The following SDK1 variants were observed in gnomAD, a reference collection of about 807,000 sequenced individuals.
SDK1 encodes the protein sidekick cell adhesion molecule 1, also known as protein sidekick-1.
A neutral mutation model predicts 245.5 loss-of-function variants in SDK1; 157 were observed. The observed-to-expected ratio is 0.64, with a 90% CI of 0.56 to 0.73. The LOEUF (loss-of-function observed/expected upper bound fraction) is 0.73, where lower values mean the gene tolerates loss of function less well. Ranked by LOEUF, SDK1 falls within the 30% of genes least tolerant of loss-of-function variation. The probability of loss-of-function intolerance (pLI) is 0.00; values close to 1 mark genes in which losing one functional copy is unlikely to be tolerated. For synonymous variants in SDK1, 1,647 were observed against 1,278.5 expected (o/e 1.29, Z -6.15); for missense variants, 3,583 against 3,002.3 (o/e 1.19, Z -4.52).
intron 4 of SDK1, among the ~76,000 whole-genome samples, chr7:3,778,195 G>C (rs1211716584): frequency 6.6e-6 from 1 of 151,858 alleles, no homozygotes; most frequent in Non-Finnish European, 1.5e-5. Context: ...GCAAATGTTT[G>C]TTTTCCTTAT....
intron 4 of SDK1, among the ~76,000 whole-genome samples, chr7:3,695,640 A>C (rs970312761): frequency 2.6e-5 from 4 of 152,250 alleles, no homozygotes; most frequent in Non-Finnish European, 5.9e-5. Flanking sequence ...ACTATAAAAC[A>C]TGGAGAATTA....
At chr7:3,656,910 G>T (rs890058860) in intron 4 of SDK1, among the ~76,000 whole-genome samples, 2 of 152,008 alleles carry the variant, frequency 1.3e-5, no homozygotes, top group African/African-American at 4.8e-5. Flanking sequence ...ACCGCGCCCG[G>T]CTAATTTTTT....
rs560755388 is a variant in SDK1, at chr7:3,969,331, G to A, written c.1621G>A (p.Ala541Thr). 51 of 1,611,074 alleles carry A rather than the reference G, an allele frequency of 3.2e-5. 1 individual carries two copies. Among genetic ancestry groups the A allele is most frequent in the South Asian group, 2.9e-4 (26 of 90,044 alleles). Residue 541 changes from alanine to threonine, a missense_variant, in exon 11 of 45, where the codon GCG becomes ACG. Transcript: ENST00000404826. ...TCTTGAATCGGGGGGTCTACAGATC[G>A]CGCCCGTCTTCATCCAGGATGCCGG... ...MLLESGGLQIAPVFIQDAGNY... is the reference protein window; with the variant it reads ...MLLESGGLQITPVFIQDAGNY...
At chr7:3,745,761 A>G (rs1779597626) in intron 4 of SDK1, among the ~76,000 whole-genome samples, 1 of 152,218 alleles carries the variant, frequency 6.6e-6, no homozygotes, top group Non-Finnish European at 1.5e-5. Flanking sequence ...AGCCAAGATA[A>G]GTAGTAGTAA....
chr7:3,444,556 T>C (rs1780291211), intron 1 of SDK1, among the ~76,000 whole-genome samples: 1 of 152,214 alleles, frequency 6.6e-6, no homozygotes, highest in Admixed American at 6.5e-5. Context: ...TTCAAAATTC[T>C]GTTTAAAATG....
chr7:3,681,234 G>A (rs569046755), intron 4 of SDK1, among the ~76,000 whole-genome samples: 2 of 152,300 alleles, frequency 1.3e-5, no homozygotes, highest in East Asian at 1.9e-4. Flanking sequence ...AAATCTGACT[G>A]TGTGAATCCT....
chr7:3,674,068 G>C (rs143152092), intron 4 of SDK1, among the ~76,000 whole-genome samples: 1 of 152,074 alleles, frequency 6.6e-6, no homozygotes, highest in South Asian at 2.1e-4. Flanking sequence ...ATAGAAGAGA[G>C]AATAGGAGAA....
chr7:4,146,821 G>A (rs1353115093), intron 29 of SDK1, among the ~76,000 whole-genome samples: 1 of 152,256 alleles, frequency 6.6e-6, no homozygotes, highest in Non-Finnish European at 1.5e-5. Flanking sequence ...CCACGGAGCA[G>A]CATGGCATTA....
chr7:4,134,147 G>C (rs1274311704), intron 28 of SDK1, among the ~76,000 whole-genome samples: 3 of 152,170 alleles, frequency 2.0e-5, no homozygotes, highest in Non-Finnish European at 4.4e-5. Context: ...AGGGGGCCTG[G>C]AGCTTCCTAA....
intron 4 of SDK1, among the ~76,000 whole-genome samples, chr7:3,735,122 C>G (rs1583355430): frequency 6.6e-6 from 1 of 151,928 alleles, no homozygotes; most frequent in Admixed American, 6.6e-5. Flanking sequence ...ATTGCTTTTA[C>G]TACATAGCAG....
intron 1 of SDK1, among the ~76,000 whole-genome samples, chr7:3,466,710 C>T (rs1000296080): frequency 6.6e-6 from 1 of 151,382 alleles, no homozygotes; most frequent in East Asian, 1.9e-4. Flanking sequence ...CTAATAGTGG[C>T]AGAACTATTT....
intron 5 of SDK1, among the ~76,000 whole-genome samples, chr7:3,826,567 T>A (rs752743651): frequency 6.6e-6 from 1 of 152,218 alleles, no homozygotes; most frequent in Non-Finnish European, 1.5e-5. Flanking sequence ...TCGTCTTCAG[T>A]TGTCCACTTT....
At chr7:3,787,338 AAC>A (rs1167974804) in intron 4 of SDK1, among the ~76,000 whole-genome samples, 1 of 152,210 alleles carries the variant, frequency 6.6e-6, no homozygotes, top group Non-Finnish European at 1.5e-5. Context: ...AACTCAGGAA[AAC>A]ACAAAGAAAA....
At chr7:3,566,417 G>C (rs568705780) in intron 1 of SDK1, among the ~76,000 whole-genome samples, 222 of 151,926 alleles carry the variant, frequency 1.5e-3, no homozygotes, top group African/African-American at 5.2e-3. Flanking sequence ...AGTAGAGACG[G>C]GGTTTCACTG....
Position 3,821,507 on chromosome 7 carries a change from G to A in SDK1, c.771G>A (p.Gly257=), listed in dbSNP as rs1236000010. 6.2e-7 allele frequency: 1 copy of A among 1,613,790 alleles called. No individual in the cohort carries two copies. Reference sequence around the variant, plus strand: ...TCGCCACCACAACCAGTGATGCCGGGGCATACTACGTGCAGGCCGTGAATG... The same window carrying A: ...TCGCCACCACAACCAGTGATGCCGGAGCATACTACGTGCAGGCCGTGAATG... ...VILATTTSDA[G]AYYVQAVNEK... is the part of the protein sequence containing the mutation. The change falls in exon 5 of 45, where the codon GGG becomes GGA. Residue 257 remains glycine (G), a synonymous_variant. Coordinates refer to ENST00000404826, the MANE Select transcript of SDK1 (RefSeq NM_152744.4).
intron 4 of SDK1, among the ~76,000 whole-genome samples, chr7:3,651,751 A>T (rs1783020431): frequency 6.6e-6 from 1 of 152,224 alleles, no homozygotes; most frequent in Non-Finnish European, 1.5e-5. Context: ...CATCAAAGAC[A>T]AAGAAGAAAC....
At chr7:3,618,032 A>T (rs1781822246) in intron 1 of SDK1, among the ~76,000 whole-genome samples, 1 of 152,174 alleles carries the variant, frequency 6.6e-6, no homozygotes, top group Non-Finnish European at 1.5e-5. Flanking sequence ...TAGAAAAATG[A>T]CGAGTCATAT....
intron 5 of SDK1, among the ~76,000 whole-genome samples, chr7:3,845,586 T>C (rs1056464035): frequency 2.0e-5 from 3 of 150,374 alleles, no homozygotes; most frequent in Admixed American, 1.3e-4. Flanking sequence ...CCAGCGAGAC[T>C]GGAAACCAGG....
At chr7:4,083,649 C>T in intron 22 of SDK1, among the ~76,000 whole-genome samples, 1 of 121,146 alleles carries the variant, frequency 8.3e-6, no homozygotes, top group African/African-American at 3.7e-5. Context: ...TCCTTCCTTC[C>T]TCCACCCCTC....
Sources: allele counts gnomAD v4.1 joint callset (sites outside exome capture counted in the v4.1 genomes callset), GRCh38; gene constraint gnomAD v4.1.1; transcripts MANE v1.5; gene names NCBI Gene and HGNC (gene_info 2026-07-23, HGNC 2026-07-21).